Variants in KIF27 observed in about 807,000 individuals in gnomAD.
KIF27 encodes kinesin family member 27.
In KIF27, 84 loss-of-function variants were observed where a neutral mutation model predicts 141.8. The ratio of observed to expected loss-of-function variants is 0.59; its 90% CI spans 0.50 to 0.71. The LOEUF (loss-of-function observed/expected upper bound fraction) is 0.71, where lower values mean the gene tolerates loss of function less well. Ranked by LOEUF, KIF27 falls within the 30% of genes least tolerant of loss-of-function variation. KIF27 has a pLI of 0.00. For missense variants in KIF27, 1,306 were observed against 1,628.4 expected, an observed-to-expected ratio of 0.80 and a Z score of 3.41; for synonymous variants, 471 against 569.5, an observed-to-expected ratio of 0.83 and a Z score of 2.46.
At position 83,903,757 on chromosome 9, in the gene KIF27, G is replaced by C. The variant is rs141363838; in HGVS notation, c.761C>G (p.Thr254Arg). 3 of 1,614,106 alleles carry C rather than the reference G, an allele frequency of 1.9e-6. No individual in the cohort carries two copies. Among genetic ancestry groups the C allele is most frequent in the Non-Finnish European group, 2.5e-6 (3 of 1,180,034 alleles). ...DLAGSERVTK[T>R]GNTGERFKES... ...TTTGAACCGTTCACCAGTATTCCCC[G>C]TTTTGGTTACTCTTTCTGATCCTGC... The change falls in exon 4 of 18, where the codon ACG becomes AGG. Residue 254 changes from threonine (T) to arginine (R), a missense_variant. Coordinates refer to ENST00000297814, the MANE Select transcript of KIF27 (RefSeq NM_017576.4).
chr9:83,915,105 C>T (rs908095382), intron 2 of KIF27, among the ~76,000 whole-genome samples, 189 bp downstream of exon 2: 4 of 152,150 alleles, frequency 2.6e-5, no homozygotes, highest in Non-Finnish European at 4.4e-5. Flanking sequence ...AGTTAGATTG[C>T]TTAATGAAAC....
Position 83,894,016 on chromosome 9 carries a change from CA to C in KIF27, c.1603-2516del, listed in dbSNP as rs1588207694. On this transcript the variant is annotated intron_variant, in intron 5 of 17. Coordinates refer to ENST00000297814, the MANE Select transcript of KIF27 (RefSeq NM_017576.4). ...TATCATAAACAAACTTATGCCAATA[CA>C]TTTGAAAATTATATACAATGGTCAA... 2.0e-5 allele frequency among the ~76,000 whole-genome samples: 3 copies of C among 152,196 alleles called. No individual in the cohort carries two copies. The East Asian group carries it at 5.8e-4, about 29-fold the overall frequency.
intron 16 of KIF27, among the ~76,000 whole-genome samples, chr9:83,844,223 C>T (rs1946928079): frequency 6.8e-6 from 1 of 147,114 alleles, no homozygotes; most frequent in Non-Finnish European, 1.5e-5. Context: ...ACTGGCTCTC[C>T]TTGCTCCTCA....
rs1448000032 is a variant in KIF27 at position 83,835,691 on chromosome 9, G to C, written c.*1310C>G. On this transcript the variant is annotated 3_prime_UTR_variant, in exon 18 of 18. Transcript: ENST00000297814. ...ATCAAATCCACAGCAACAGAGGAAAGGACAAAAGGAAAAGGTCTGTAGCAG... is the reference window on the plus strand; with the variant it reads ...ATCAAATCCACAGCAACAGAGGAAACGACAAAAGGAAAAGGTCTGTAGCAG... The C allele has an allele frequency of 7.2e-5, 11 of 152,070 alleles. No individual in the cohort carries two copies. Among genetic ancestry groups the C allele is most frequent in the Non-Finnish European group, 1.6e-4 (11 of 68,024 alleles). 9.4% of individuals were successfully genotyped at this position (152,070 alleles called of 1,614,324 possible).
rs187689772 is a variant in KIF27, at chr9:83,889,120, T to C, written c.1943A>G (p.Asp648Gly). 11 of 1,613,682 alleles carry C rather than the reference T, an allele frequency of 6.8e-6. No homozygotes were observed. The South Asian group carries it at 1.1e-4, about 16-fold the overall frequency. The change falls in exon 7 of 18, where the codon GAT becomes GGT. Residue 648 changes from aspartate to glycine, a missense_variant. Asp to Gly is a moderately conservative substitution (Grantham distance 94). Around this residue, in one of 4 missense-constraint regions of KIF27, gnomAD observed 596 missense variants for 751.6 expected, o/e 0.79. Transcript: ENST00000297814. The part of the protein sequence containing the change: ...LHCQFSDNSD[D>G]EESEGQEKSG... ...TTTCTCTTGGCCTTCTGATTCTTCA[T>C]CATCACTGTTATCAGAAAATTGGCA... is the stretch of plus-strand genomic sequence containing the variant.
At chr9:83,849,010 CG>C (rs1219335804) in intron 16 of KIF27, 4 of 151,874 alleles carry the variant, frequency 2.6e-5, no homozygotes, top group Non-Finnish European at 5.9e-5. Flanking sequence ...GATGGGGTTT[CG>C]CCATGTTATC....
chr9:83,889,340 G>A (rs1384247233), intron 6 of KIF27, 87 bp from the exon 7 acceptor site: 10 of 1,212,146 alleles, frequency 8.2e-6, no homozygotes, highest in Admixed American at 7.3e-5. Flanking sequence ...GCTTTTAAAG[G>A]GGTTATTAGA....
intron 3 of KIF27, among the ~76,000 whole-genome samples, chr9:83,905,382 T>C (rs909060012): frequency 6.6e-6 from 1 of 152,152 alleles, no homozygotes; most frequent in Non-Finnish European, 1.5e-5. Context: ...CCTCCCAAAG[T>C]GCTGGGATTA....
intron 14 of KIF27, among the ~76,000 whole-genome samples, chr9:83,856,390 T>G (rs1055211064): frequency 1.3e-5 from 2 of 151,984 alleles, no homozygotes; most frequent in African/African-American, 4.8e-5. Flanking sequence ...GTGGATCACT[T>G]GAGGTCAGGA....
rs1945675338 is a variant in KIF27 at position 83,835,090 on chromosome 9, TAATTA to T, written c.*1906_*1910del. Among the ~76,000 whole-genome samples the T allele has an allele frequency of 6.7e-6, 1 of 149,706 alleles. No homozygotes were observed. The highest frequency in any genetic ancestry group is 2.5e-5 in the African/African-American group (1 of 40,816). ...TTATGTGCTATGCCTTAGTTAGAAA[TAATTA>T]ATTTACACATACTTGTTTTACTTAT... On this transcript the variant is annotated 3_prime_UTR_variant, in exon 18 of 18. Transcript: ENST00000297814.
intron 5 of KIF27, among the ~76,000 whole-genome samples, chr9:83,894,540 T>C (rs983429719): frequency 1.3e-5 from 2 of 152,194 alleles, no homozygotes; most frequent in African/African-American, 4.8e-5. Context: ...TTCCTTGTAG[T>C]CTGGGACTTT....
chr9:83,852,167 T>TG (rs1254581910), intron 15 of KIF27, among the ~76,000 whole-genome samples: 3 of 145,116 alleles, frequency 2.1e-5, no homozygotes, highest in African/African-American at 5.1e-5. Context: ...TCTATCAGCC[T>TG]GGGCGCGGTG....
intron 2 of KIF27, among the ~76,000 whole-genome samples, chr9:83,912,303 G>A (rs190074864): frequency 1.3e-5 from 2 of 152,266 alleles, no homozygotes; most frequent in Admixed American, 6.5e-5. Flanking sequence ...GGCAACAATC[G>A]TTCTGAAAAT....
chr9:83,883,869 C>G lies in KIF27; in HGVS notation c.2389G>C (p.Val797Leu), dbSNP rs746410542. The change falls in exon 10 of 18, where the codon GTA (valine) becomes CTA (leucine). Residue 797 changes from valine to leucine, a missense_variant. Val to Leu is a conservative substitution (Grantham distance 32). Transcript: ENST00000297814. ...TTACGAAACTCTTTCTGTAATTTTA[C>G]CTTCATTGCAACATCAGAAAGATCT... is the stretch of plus-strand genomic sequence containing the variant. ...NKDLSDVAMK[V>L]KLQKEFRKKM... 6.2e-7 allele frequency: 1 copy of G among 1,613,304 alleles called. No homozygotes were observed. The highest frequency in any genetic ancestry group is 1.7e-5 in the Admixed American group (1 of 59,994).
chr9:83,859,639 C>G (rs1408280550), intron 13 of KIF27: 1 of 351,450 alleles, frequency 2.8e-6, no homozygotes, highest in Non-Finnish European at 5.2e-6. Flanking sequence ...TCAAGCGATT[C>G]TCCTGCTTCA....
intron 1 of KIF27, among the ~76,000 whole-genome samples, chr9:83,918,837 A>G (rs1467321787): frequency 6.6e-6 from 1 of 152,152 alleles, no homozygotes; most frequent in Non-Finnish European, 1.5e-5. Context: ...GCATTTTGGG[A>G]GGCCGAGGTG....
intron 14 of KIF27, among the ~76,000 whole-genome samples, chr9:83,855,341 T>C (rs970634094): frequency 2.0e-5 from 3 of 152,200 alleles, no homozygotes; most frequent in Non-Finnish European, 4.4e-5. Context: ...TGGCCAATAG[T>C]GTGAATATTT....
At position 83,880,083 on chromosome 9, in the gene KIF27, T is replaced by C. The variant is rs144495416; in HGVS notation, c.2643+214A>G. The C allele has an allele frequency of 9.0e-3, 5,451 of 607,378 alleles. 138 individuals are homozygous for C. Among genetic ancestry groups the C allele is most frequent in the East Asian group, 0.039 (1,417 of 36,154 alleles). 37.6% of individuals were successfully genotyped at this position (607,378 alleles called of 1,614,324 possible). A position where few individuals can be genotyped will look rare whatever the true frequency, so the allele number is the denominator to read the frequency against. On this transcript the variant is annotated intron_variant, in intron 11 of 17. Transcript: ENST00000297814. ...AGAGAAATTATCATTGTACCTTCTT[T>C]TGTGAAGTCAAAGCCTTCAAGACAG...
At chr9:83,895,180 T>C (rs1302128475) in intron 5 of KIF27, among the ~76,000 whole-genome samples, 1 of 147,986 alleles carries the variant, frequency 6.8e-6, no homozygotes, top group Non-Finnish European at 1.5e-5. Context: ...GAGAATGGCA[T>C]GAACCCAGGA....
Sources: allele counts gnomAD v4.1 joint callset (sites outside exome capture counted in the v4.1 genomes callset), GRCh38; gene constraint gnomAD v4.1.1; regional missense constraint gnomAD v4.1.1; transcripts MANE v1.5; gene names NCBI Gene and HGNC (gene_info 2026-07-23, HGNC 2026-07-21).